USP32: variants seen among roughly 807,000 people sequenced by gnomAD.
The protein encoded by USP32 is ubiquitin specific peptidase 32.
A neutral mutation model predicts 204.8 loss-of-function variants in USP32; 59 were observed. The observed-to-expected ratio is 0.29, with a 90% CI of 0.23 to 0.36. The LOEUF is 0.36. Among genes scored for constraint, USP32 ranks in the 10% least tolerant of loss-of-function variants. The pLI, the probability that USP32 is intolerant of heterozygous loss-of-function variation, is 1.00. For synonymous variants in USP32, 517 were observed against 678.4 expected, an observed-to-expected ratio of 0.76 and a Z score of 3.70; for missense variants, 1,160 against 1,946.4, an observed-to-expected ratio of 0.60 and a Z score of 7.60.
At chr17:60,353,994 G>A (rs931453182) in intron 1 of USP32, among the ~76,000 whole-genome samples, 1 of 152,152 alleles carries the variant, frequency 6.6e-6, no homozygotes, top group Non-Finnish European at 1.5e-5. Flanking sequence ...TGAGCATTCC[G>A]TAAATTCTAG....
rs1222888200 is a variant in USP32, at chr17:60,205,805, G to A, written c.3038-147C>T. On this transcript the variant is annotated intron_variant, in intron 25 of 33. Coordinates refer to ENST00000300896, the MANE Select transcript of USP32 (RefSeq NM_032582.4). Reference sequence around the variant, plus strand: ...CAGTATAAATAATTCTAGATTTATTGGAAGATTTTAATTTTCCAGTTTTAC... The same window carrying A: ...CAGTATAAATAATTCTAGATTTATTAGAAGATTTTAATTTTCCAGTTTTAC... 3.5e-6 allele frequency: 4 copies of A among 1,146,862 alleles called. No homozygotes were observed. The East Asian group carries it at 8.0e-5, about 23-fold the overall frequency. 71.0% of individuals were successfully genotyped at this position (1,146,862 alleles called of 1,614,324 possible).
intron 1 of USP32, among the ~76,000 whole-genome samples, chr17:60,351,513 C>T (rs2088948552): frequency 6.6e-6 from 1 of 152,082 alleles, no homozygotes; most frequent in Non-Finnish European, 1.5e-5. Flanking sequence ...ACTGCAACCT[C>T]TGTCTCCCGG....
At chr17:60,227,121 A>G (rs2085414594) in intron 12 of USP32, among the ~76,000 whole-genome samples, 1 of 151,744 alleles carries the variant, frequency 6.6e-6, no homozygotes, top group Admixed American at 6.6e-5. Context: ...TGCTAATCTA[A>G]CATTTCATAT....
intron 1 of USP32, among the ~76,000 whole-genome samples, chr17:60,379,399 C>T (rs1361640960): frequency 6.6e-6 from 1 of 152,128 alleles, no homozygotes; most frequent in Non-Finnish European, 1.5e-5. Flanking sequence ...ACATCTACTA[C>T]ATTCCAGATT....
At chr17:60,397,694 A>G (rs2089909257) in intron 1 of USP32, among the ~76,000 whole-genome samples, 1 of 151,944 alleles carries the variant, frequency 6.6e-6, no homozygotes, top group Non-Finnish European at 1.5e-5. Flanking sequence ...TCTGTTTTGC[A>G]CCTTTTGCTG....
chr17:60,378,885 C>A (rs1221981403), intron 1 of USP32, among the ~76,000 whole-genome samples: 1 of 151,988 alleles, frequency 6.6e-6, no homozygotes, highest in East Asian at 1.9e-4. Context: ...ACTAATTGTA[C>A]ATTTTTTAAA....
chr17:60,379,684 T>C (rs1374850546), intron 1 of USP32, among the ~76,000 whole-genome samples: 1 of 152,262 alleles, frequency 6.6e-6, no homozygotes, highest in East Asian at 1.9e-4. Context: ...TCAGTCACAT[T>C]GCTATAAAAT....
chr17:60,339,112 T>C (rs2088593740), intron 2 of USP32, among the ~76,000 whole-genome samples: 1 of 151,674 alleles, frequency 6.6e-6, no homozygotes, highest in Non-Finnish European at 1.5e-5. Context: ...GGTTTCACCA[T>C]GTTGGCCAGG....
At chr17:60,244,599 A>G (rs2085965297) in intron 11 of USP32, among the ~76,000 whole-genome samples, 1 of 152,158 alleles carries the variant, frequency 6.6e-6, no homozygotes, top group Non-Finnish European at 1.5e-5. Flanking sequence ...AGGGTTTACA[A>G]TATGGATCTT....
At chr17:60,345,441 G>T in intron 2 of USP32, 40 bp downstream of exon 2, 1 of 1,607,876 alleles carries the variant, frequency 6.2e-7, no homozygotes, top group Non-Finnish European at 8.5e-7. Flanking sequence ...GGTGGAGGTG[G>T]ATAACTACCT....
chr17:60,299,792 T>C (rs1414534902), intron 3 of USP32, among the ~76,000 whole-genome samples: 1 of 152,218 alleles, frequency 6.6e-6, no homozygotes, highest in Non-Finnish European at 1.5e-5. Context: ...AAATAACAGA[T>C]TTATTTCTCA....
chr17:60,294,667 A>C lies in USP32; in HGVS notation c.411+16T>G. On this transcript the variant is annotated intron_variant, in intron 4 of 33. Transcript: ENST00000300896. ...TTGTCAATGAAAAGGGATAAAATGT[A>C]AATCTTTAACTATACCTCTGAGAAA... is the stretch of plus-strand genomic sequence containing the variant. The C allele has an allele frequency of 1.3e-6, 2 of 1,533,376 alleles. No individual in the cohort carries two copies. Among genetic ancestry groups the C allele is most frequent in the South Asian group, 2.4e-5 (2 of 84,928 alleles). 95.0% of individuals were successfully genotyped at this position (1,533,376 alleles called of 1,614,324 possible).
intron 27 of USP32, among the ~76,000 whole-genome samples, chr17:60,196,507 T>C (rs1393703911): frequency 1.3e-5 from 2 of 152,218 alleles, no homozygotes; most frequent in Non-Finnish European, 2.9e-5. Context: ...TTAAAATAAA[T>C]ACTTTAAACA....
At chr17:60,376,768 C>T (rs1406170608) in intron 1 of USP32, among the ~76,000 whole-genome samples, 1 of 151,882 alleles carries the variant, frequency 6.6e-6, no homozygotes, top group Non-Finnish European at 1.5e-5. Context: ...GTGATCCGCC[C>T]GACTCCACCT....
chr17:60,293,760 G>A (rs764209159), intron 4 of USP32, among the ~76,000 whole-genome samples: 5 of 152,106 alleles, frequency 3.3e-5, no homozygotes, highest in Non-Finnish European at 7.4e-5. Flanking sequence ...AGTCAGGAAG[G>A]CAGAGCTAAC....
chr17:60,392,150 C>T, upstream of USP32: 1 of 560,408 alleles, frequency 1.8e-6, no homozygotes, highest in Non-Finnish European at 3.1e-6. Context: ...TTCCGCCCCG[C>T]CCCCTTCCCC....
intron 11 of USP32, among the ~76,000 whole-genome samples, chr17:60,247,518 G>C (rs1450190480): frequency 6.6e-6 from 1 of 152,098 alleles, no homozygotes; most frequent in African/African-American, 2.4e-5. Context: ...TGTATGGTAA[G>C]AAATTGGGAA....
intron 1 of USP32, among the ~76,000 whole-genome samples, chr17:60,375,863 C>A (rs541453238): frequency 3.9e-5 from 6 of 152,278 alleles, no homozygotes; most frequent in Non-Finnish European, 7.4e-5. Flanking sequence ...CTGTCTCAGC[C>A]TCCCAAAGTG....
intron 2 of USP32, among the ~76,000 whole-genome samples, chr17:60,319,428 C>T (rs2088060525): frequency 6.6e-6 from 1 of 151,828 alleles, no homozygotes; most frequent in Non-Finnish European, 1.5e-5. Flanking sequence ...AATACAGGGA[C>T]TCAGATTAAG....
Sources: allele counts gnomAD v4.1 joint callset (sites outside exome capture counted in the v4.1 genomes callset), GRCh38; gene constraint gnomAD v4.1.1; transcripts MANE v1.5; gene names NCBI Gene and HGNC (gene_info 2026-07-23, HGNC 2026-07-21).